Variants in UGT2B17 observed in about 807,000 individuals in gnomAD.
UGT2B17 encodes UDP-glucuronosyltransferase 2B17.
In UGT2B17, 21 loss-of-function variants were observed where a neutral mutation model predicts 48.2. The observed-to-expected ratio is 0.44, with a 90% confidence interval of 0.31 to 0.63. UGT2B17 has a LOEUF of 0.63. Among genes scored for constraint, UGT2B17 ranks in the 20% least tolerant of loss-of-function variants. The pLI, the probability that UGT2B17 is intolerant of heterozygous loss-of-function variation, is 0.08. For synonymous variants in UGT2B17, 146 were observed against 238.4 expected, an observed-to-expected ratio of 0.61 and a Z score of 3.57; for missense variants, 402 against 696.1, an observed-to-expected ratio of 0.58 and a Z score of 4.75.
chr4:68,550,940 C>G, intron 5 of UGT2B17, 44 bp from the exon 6 acceptor site: 1 of 1,306,376 alleles, frequency 7.7e-7, no homozygotes, highest in Non-Finnish European at 1.0e-6. Flanking sequence ...TTATAAGGCA[C>G]AGGAATTGAA....
rs1373697364 is a variant in UGT2B17 at position 68,542,855 on chromosome 4, G to A, written c.1314-4951C>T. 1.9e-4 allele frequency among the ~76,000 whole-genome samples: 24 copies of A among 127,160 alleles called. 4 individuals carry two copies. Among genetic ancestry groups the A allele is most frequent in the African/African-American group, 6.4e-4 (24 of 37,252 alleles). 83.4% of individuals were successfully genotyped at this position (127,160 alleles called of 152,430 possible). A position where few individuals can be genotyped will look rare whatever the true frequency, so the allele number is the denominator to read the frequency against. On this transcript the variant is annotated intron_variant, in intron 6 of 6. Transcript: ENST00000317746. ...AGCCTCGCTCATTGCTAGCACAGCA[G>A]TCTGAGATCGAACTGCAAGGCAGCA...
intron 1 of UGT2B17, among the ~76,000 whole-genome samples, chr4:68,570,049 G>C (rs1419753099): frequency 2.4e-5 from 3 of 126,044 alleles, no homozygotes; most frequent in African/African-American, 8.2e-5. Context: ...AAACTCCTCA[G>C]CCTCCAGTTG....
intron 5 of UGT2B17, 139 bp from the exon 6 acceptor site, chr4:68,551,035 C>G: frequency 4.5e-6 from 3 of 670,836 alleles, no homozygotes; most frequent in Non-Finnish European, 6.2e-6. Flanking sequence ...AAATTGTTTT[C>G]AAATTTCAGA....
intron 1 of UGT2B17, among the ~76,000 whole-genome samples, chr4:68,573,834 C>T (rs1306098818): frequency 7.9e-6 from 1 of 126,954 alleles, no homozygotes; most frequent in Non-Finnish European, 1.7e-5. Context: ...TGCTAAGTTT[C>T]CTCCCTGCCG....
rs1235915155 is a variant in UGT2B17, at chr4:68,562,959, C to T, written c.874-2291G>A. Reference sequence around the variant, plus strand: ...GTTTTGAAAAAATGGATTGTAATGGCTTGGTATGCGCATTGTATAAGTTTT... The same window carrying T: ...GTTTTGAAAAAATGGATTGTAATGGTTTGGTATGCGCATTGTATAAGTTTT... On this transcript the variant is annotated intron_variant, in intron 3 of 6. Coordinates refer to ENST00000317746, the MANE Select transcript of UGT2B17 (RefSeq NM_001077.4). 1.6e-5 allele frequency among the ~76,000 whole-genome samples: 2 copies of T among 125,802 alleles called. 1 individual carries two copies. Among genetic ancestry groups the T allele is most frequent in the Admixed American group, 1.6e-4 (2 of 12,288 alleles). 82.5% of individuals were successfully genotyped at this position (125,802 alleles called of 152,430 possible).
rs1242340730 is a variant in UGT2B17, at chr4:68,559,302, C to G, written c.1005+1235G>C. Among the ~76,000 whole-genome samples the G allele has an allele frequency of 1.6e-5, 2 of 125,806 alleles. 1 individual carries two copies. Among genetic ancestry groups the G allele is most frequent in the Non-Finnish European group, 3.4e-5 (2 of 59,434 alleles). 82.5% of individuals were successfully genotyped at this position (125,806 alleles called of 152,430 possible). On this transcript the variant is annotated intron_variant, in intron 4 of 6. Coordinates refer to ENST00000317746, the MANE Select transcript of UGT2B17 (RefSeq NM_001077.4). ...ATTCAGACTATTATCAGTATTGCTA[C>G]TTTTGTAAATGCTAACAATGTAGGA...
Position 68,550,997 on chromosome 4 carries a change from G to T in UGT2B17, c.1094-101C>A. The T allele has an allele frequency of 7.3e-6, 6 of 825,764 alleles. 2 individuals carry two copies. Among genetic ancestry groups the T allele is most frequent in the South Asian group, 6.0e-5 (2 of 33,260 alleles). 51.2% of individuals were successfully genotyped at this position (825,764 alleles called of 1,614,324 possible). A position where few individuals can be genotyped will look rare whatever the true frequency, so the allele number is the denominator to read the frequency against. On this transcript the variant is annotated intron_variant, in intron 5 of 6. Coordinates refer to ENST00000317746, the MANE Select transcript of UGT2B17 (RefSeq NM_001077.4). Reference sequence around the variant, plus strand: ...AACTTAAAGCAAAACTGTTCCCTAGGTAACATTATACCCACAAAACTGCAT... The same window carrying T: ...AACTTAAAGCAAAACTGTTCCCTAGTTAACATTATACCCACAAAACTGCAT...
rs181409239 is a variant in UGT2B17, at chr4:68,540,264, A to G, written c.1314-2360T>C. Among the ~76,000 whole-genome samples the G allele has an allele frequency of 1.2e-4, 15 of 127,124 alleles. 2 individuals are homozygous for G. Among genetic ancestry groups the G allele is most frequent in the Non-Finnish European group, 8.4e-5 (5 of 59,726 alleles). 83.4% of individuals were successfully genotyped at this position (127,124 alleles called of 152,430 possible). A position where few individuals can be genotyped will look rare whatever the true frequency, so the allele number is the denominator to read the frequency against. ...TTATCTCCTTAAATAAAAGTTTTCA[A>G]AGATCATTATTTTGTCTACTTTGGT... On this transcript the variant is annotated intron_variant, in intron 6 of 6. Transcript: ENST00000317746.
chr4:68,547,879 C>T lies in UGT2B17; in HGVS notation c.1313+2798G>A, dbSNP rs1187344215. 5.5e-5 allele frequency among the ~76,000 whole-genome samples: 7 copies of T among 126,276 alleles called. 1 individual carries two copies. Among genetic ancestry groups the T allele is most frequent in the Non-Finnish European group, 8.4e-5 (5 of 59,568 alleles). The allele number at this position is 126,276 out of a possible 152,430, so 82.8% of individuals were successfully genotyped here. The stretch of plus-strand genomic sequence containing the variant: ...TGCAAATCAAAACCACAATGAGATA[C>T]CATCTCACCCCAGTTAGAATGGCAA... On this transcript the variant is annotated intron_variant, in intron 6 of 6. Transcript: ENST00000317746.
rs541065323 is a variant in UGT2B17 at position 68,572,132 on chromosome 4, T to A, written c.-64-3584A>T. Reference sequence around the variant, plus strand: ...GAGACCAGTATTGACACATCTCACATAAATATGATTTTTGACAGATATACT... The same window carrying A: ...GAGACCAGTATTGACACATCTCACAAAAATATGATTTTTGACAGATATACT... On this transcript the variant is annotated intron_variant, in intron 1 of 6. Transcript: ENST00000317746. 1.6e-4 allele frequency among the ~76,000 whole-genome samples: 20 copies of A among 126,158 alleles called. 5 individuals carry two copies. The highest frequency in any genetic ancestry group is 5.1e-4 in the African/African-American group (19 of 36,916). 82.8% of individuals were successfully genotyped at this position (126,158 alleles called of 152,430 possible).
chr4:68,545,636 G>A lies in UGT2B17; in HGVS notation c.1313+5041C>T, dbSNP rs1224765992. Reference sequence around the variant, plus strand: ...CTTCAAAAAATCAATGAATCCAAGAGCTGGTTTTTTGAAAAGGCCAACAAA... The same window carrying A: ...CTTCAAAAAATCAATGAATCCAAGAACTGGTTTTTTGAAAAGGCCAACAAA... On this transcript the variant is annotated intron_variant, in intron 6 of 6. Transcript: ENST00000317746. 6.4e-5 allele frequency among the ~76,000 whole-genome samples: 8 copies of A among 125,680 alleles called. 2 individuals are homozygous for A. The highest frequency in any genetic ancestry group is 1.6e-4 in the Admixed American group (2 of 12,348). The allele number at this position is 125,680 out of a possible 152,430, so 82.5% of individuals were successfully genotyped here. A position where few individuals can be genotyped will look rare whatever the true frequency, so the allele number is the denominator to read the frequency against.
Position 68,568,305 on chromosome 4 carries a change from A to C in UGT2B17, c.180T>G (p.Ala60=). 7.3e-7 allele frequency: 1 copy of C among 1,378,410 alleles called. No individual in the cohort carries two copies. Among genetic ancestry groups the C allele is most frequent in the Non-Finnish European group, 9.5e-7 (1 of 1,054,712 alleles). The allele number at this position is 1,378,410 out of a possible 1,614,324, so 85.4% of individuals were successfully genotyped here. A position where few individuals can be genotyped will look rare whatever the true frequency, so the allele number is the denominator to read the frequency against. ...ATTTACTGGCATTGACAAGAATAGA[A>C]GCCGAAGATGTCAACACAATCACCT... ...GHEVIVLTSS[A]SILVNASKSS... is the part of the protein sequence containing the mutation. The change falls in exon 2 of 7, where the codon GCT becomes GCG. Residue 60 remains alanine (A), a synonymous_variant. Transcript: ENST00000317746.
rs924537363 is a variant in UGT2B17 at position 68,569,543 on chromosome 4, G to A, written c.-64-995C>T. Among the ~76,000 whole-genome samples the A allele has an allele frequency of 2.4e-5, 3 of 125,302 alleles. 1 individual carries two copies. Among genetic ancestry groups the A allele is most frequent in the Non-Finnish European group, 3.4e-5 (2 of 59,220 alleles). The allele number at this position is 125,302 out of a possible 152,430, so 82.2% of individuals were successfully genotyped here. On this transcript the variant is annotated intron_variant, in intron 1 of 6. Coordinates refer to ENST00000317746, the MANE Select transcript of UGT2B17 (RefSeq NM_001077.4). ...AGGAGGGTGGCCAGCGGAGCAGGGG[G>A]TTCAAAGATTCTTCTGGGGCCTGAA...
In UGT2B17 at chr4:68,574,045, G is replaced by C. The variant is rs1731332671; in HGVS notation, c.-65+1906C>G. 4.7e-5 allele frequency among the ~76,000 whole-genome samples: 6 copies of C among 126,852 alleles called. 3 individuals are homozygous for C. In the Admixed American group the frequency reaches 4.8e-4, roughly 10 times the overall value. The allele number at this position is 126,852 out of a possible 152,430, so 83.2% of individuals were successfully genotyped here. A position where few individuals can be genotyped will look rare whatever the true frequency, so the allele number is the denominator to read the frequency against. ...CCGTAGTGGGAAGGGGACAATTAGG[G>C]CCTCTGGCCTGCCATGTGCACAAGC... On this transcript the variant is annotated intron_variant, in intron 1 of 6. Coordinates refer to ENST00000317746, the MANE Select transcript of UGT2B17 (RefSeq NM_001077.4).
rs1351083616 is a variant in UGT2B17 at position 68,572,688 on chromosome 4, C to T, written c.-65+3263G>A. On this transcript the variant is annotated intron_variant, in intron 1 of 6. Transcript: ENST00000317746. ...GGACTGTAGCAATCTTTTGTTCCAC[C>T]TCAGTGACTTGATGTATATACTGGA... Among the ~76,000 whole-genome samples the T allele has an allele frequency of 5.5e-5, 7 of 126,414 alleles. 2 individuals carry two copies. The Admixed American group carries it at 5.6e-4, about 10-fold the overall frequency. The allele number at this position is 126,414 out of a possible 152,430, so 82.9% of individuals were successfully genotyped here.
At chr4:68,551,572 G>C (rs1430558237) in intron 5 of UGT2B17, among the ~76,000 whole-genome samples, 1 of 125,594 alleles carries the variant, frequency 8.0e-6, no homozygotes, top group Non-Finnish European at 1.7e-5. Flanking sequence ...TAAAACCTGT[G>C]AGAGGTAATT....
chr4:68,564,540 C>A (rs748962990), intron 3 of UGT2B17, among the ~76,000 whole-genome samples: 1 of 123,406 alleles, frequency 8.1e-6, no homozygotes, highest in African/African-American at 2.8e-5. Flanking sequence ...CCGCCTGCCT[C>A]GGCCTCCCAA....
intron 6 of UGT2B17, among the ~76,000 whole-genome samples, chr4:68,543,709 T>C (rs1244195250): frequency 1.6e-5 from 2 of 123,974 alleles, no homozygotes; most frequent in African/African-American, 5.5e-5. Flanking sequence ...AATGGCTAAC[T>C]AGATAACCAA....
chr4:68,551,672 C>T (rs1730915917), intron 5 of UGT2B17, 152 bp downstream of exon 5: 1 of 528,718 alleles, frequency 1.9e-6, no homozygotes, highest in African/African-American at 2.1e-5. Flanking sequence ...TCTTCTTATA[C>T]TAAGACTAGA....
Sources: gnomAD v4.1 joint callset for allele counts (sites outside exome capture counted in the v4.1 genomes callset) on GRCh38, gnomAD v4.1.1 for gene constraint, MANE v1.5 for transcripts, NCBI Gene and HGNC (gene_info 2026-07-23, HGNC 2026-07-21) for gene names.